CEP128: variants seen among roughly 807,000 people sequenced by gnomAD.
The protein encoded by CEP128 is centrosomal protein 128, also known as centrosomal protein 128kDa.
In CEP128, 132 loss-of-function variants were observed where a neutral mutation model predicts 156.7. That is an observed-to-expected ratio of 0.84 (90% CI 0.73 to 0.97). The LOEUF is 0.97. Ranked by LOEUF, CEP128 falls within the 50% of genes least tolerant of loss-of-function variation. The pLI, the probability that CEP128 is intolerant of heterozygous loss-of-function variation, is 0.00. For missense variants in CEP128, 1,252 were observed against 1,281.9 expected (o/e 0.98, Z 0.36); for synonymous variants, 469 against 448.9 (o/e 1.04, Z -0.57).
chr14:80,523,615 A>G (rs1428738143), intron 23 of CEP128, among the ~76,000 whole-genome samples: 1 of 152,222 alleles, frequency 6.6e-6, no homozygotes, highest in African/African-American at 2.4e-5. Flanking sequence ...CTCCAACTAC[A>G]ACAAAAAAGG....
At chr14:80,799,211 G>A (rs1883678815) in intron 13 of CEP128, among the ~76,000 whole-genome samples, 1 of 152,214 alleles carries the variant, frequency 6.6e-6, no homozygotes, top group Non-Finnish European at 1.5e-5. Context: ...CAAACGGAGG[G>A]ACTGGCTGGA....
At chr14:80,716,477 C>T (rs1719008868) in intron 19 of CEP128, among the ~76,000 whole-genome samples, 1 of 152,196 alleles carries the variant, frequency 6.6e-6, no homozygotes, top group African/African-American at 2.4e-5. Context: ...CTGTTCAGGA[C>T]ATTTCATATA....
intron 9 of CEP128, among the ~76,000 whole-genome samples, chr14:80,844,874 C>G (rs1432594897): frequency 3.2e-5 from 3 of 93,828 alleles, no homozygotes; most frequent in Non-Finnish European, 6.9e-5. Context: ...CTATTTTCTC[C>G]AATGAACAAA....
chr14:80,926,217 G>C (rs117857224), intron 2 of CEP128, among the ~76,000 whole-genome samples: 7,415 of 152,226 alleles, frequency 0.049, 215 homozygotes, highest in Middle Eastern at 0.078. Flanking sequence ...ACCAGGAGGG[G>C]CACGACCTAA....
At chr14:80,832,341 T>C (rs1028729570) in intron 12 of CEP128, among the ~76,000 whole-genome samples, 3 of 152,024 alleles carry the variant, frequency 2.0e-5, no homozygotes, top group African/African-American at 7.3e-5. Flanking sequence ...CTGGAACATA[T>C]ACTGTCTGTC....
chr14:80,504,138 G>C (rs1551071), intron 24 of CEP128, among the ~76,000 whole-genome samples: 2 of 152,076 alleles, frequency 1.3e-5, no homozygotes, highest in Non-Finnish European at 2.9e-5. Context: ...CAATAGTTTA[G>C]ATAAATGTGG....
rs1167350856 is a variant in CEP128 at position 80,857,767 on chromosome 14, AC to A, written c.762+4989del. 3.3e-5 allele frequency among the ~76,000 whole-genome samples: 5 copies of A among 151,638 alleles called. No individual in the cohort carries two copies. The East Asian group carries it at 9.8e-4, about 30-fold the overall frequency. Reference sequence around the variant, plus strand: ...AACAACAACAACAACAACAACAACAACAAAAAACATGAATTGAATTAGTAAA... The same window carrying A: ...AACAACAACAACAACAACAACAACAAAAAAAACATGAATTGAATTAGTAAA... On this transcript the variant is annotated intron_variant, in intron 9 of 24. Transcript: ENST00000555265.
At chr14:80,679,329 C>T (rs1045697674) in intron 19 of CEP128, among the ~76,000 whole-genome samples, 12 of 152,108 alleles carry the variant, frequency 7.9e-5, no homozygotes, top group Admixed American at 3.9e-4. Context: ...TATAAACAGA[C>T]ATGCAAGTAG....
chr14:80,896,342 A>G (rs1030426508), intron 7 of CEP128, among the ~76,000 whole-genome samples: 1 of 152,162 alleles, frequency 6.6e-6, no homozygotes, highest in African/African-American at 2.4e-5. Flanking sequence ...CAATGAAAAG[A>G]AAAAGCCCTT....
rs960052334 is a variant in CEP128, at chr14:80,937,345, G to A, written c.-16+2040C>T. Among the ~76,000 whole-genome samples, 4 of 152,084 alleles carry A rather than the reference G, an allele frequency of 2.6e-5. No homozygotes were observed. In the East Asian group the frequency reaches 5.8e-4, roughly 22 times the overall value. On this transcript the variant is annotated intron_variant, in intron 2 of 24. Transcript: ENST00000555265. Reference sequence around the variant, plus strand: ...CAATCAATCTGTAATATACATAGACGTTGACCCAGAAAATCTATTTCTATG... The same window carrying A: ...CAATCAATCTGTAATATACATAGACATTGACCCAGAAAATCTATTTCTATG...
chr14:80,861,110 G>C (rs1327561686), intron 9 of CEP128, among the ~76,000 whole-genome samples: 2 of 151,870 alleles, frequency 1.3e-5, no homozygotes, highest in Admixed American at 6.6e-5. Flanking sequence ...CTTTCTTACA[G>C]TAGGATTCTA....
intron 9 of CEP128, among the ~76,000 whole-genome samples, chr14:80,851,820 A>G (rs1886904587): frequency 1.3e-5 from 2 of 152,058 alleles, no homozygotes; most frequent in Non-Finnish European, 2.9e-5. Context: ...TTAAAGAGGG[A>G]AAATGATATG....
intron 19 of CEP128, among the ~76,000 whole-genome samples, chr14:80,653,767 T>A (rs370343027): frequency 6.6e-6 from 1 of 152,246 alleles, no homozygotes; most frequent in African/African-American, 2.4e-5. Context: ...ATTTTCCAAA[T>A]CTCATCTAAA....
chr14:80,687,895 T>A (rs1348554027), intron 19 of CEP128, among the ~76,000 whole-genome samples: 1 of 152,286 alleles, frequency 6.6e-6, no homozygotes, highest in East Asian at 1.9e-4. Context: ...ACGTATTAGA[T>A]TTTTTCCAGG....
chr14:80,925,588 G>T (rs890284041), intron 2 of CEP128, among the ~76,000 whole-genome samples: 3 of 150,994 alleles, frequency 2.0e-5, no homozygotes, highest in African/African-American at 7.3e-5. Context: ...AGGGTTTTTT[G>T]TTTTTTTGGT....
chr14:80,541,833 C>T (rs759536476), intron 21 of CEP128, among the ~76,000 whole-genome samples: 2 of 152,140 alleles, frequency 1.3e-5, no homozygotes, highest in Non-Finnish European at 2.9e-5. Flanking sequence ...TTGGTCAATA[C>T]CTCCTGTAAC....
At chr14:80,744,563 ACT>A (rs1442467305) in intron 18 of CEP128, among the ~76,000 whole-genome samples, 2 of 152,034 alleles carry the variant, frequency 1.3e-5, no homozygotes, top group African/African-American at 4.8e-5. Context: ...TATTCAAGAA[ACT>A]CTATTTAACC....
rs118064713 is a variant in CEP128 at position 80,924,927 on chromosome 14, G to A, written c.-15-8365C>T. Among the ~76,000 whole-genome samples the A allele has an allele frequency of 8.3e-3, 1,262 of 152,168 alleles. 13 individuals carry two copies. Among genetic ancestry groups the A allele is most frequent in the Non-Finnish European group, 0.01 (685 of 68,002 alleles). ...GTGAGCACCTAAGACAATGGCAGTG[G>A]AGATGAAGTATAGCAGGGATGAATT... On this transcript the variant is annotated intron_variant, in intron 2 of 24. Transcript: ENST00000555265.
At chr14:80,948,982 C>G (rs567368542) in intron 2 of CEP128, among the ~76,000 whole-genome samples, 1 of 152,060 alleles carries the variant, frequency 6.6e-6, no homozygotes, top group African/African-American at 2.4e-5. Flanking sequence ...TGCCACTAAG[C>G]CAATTTCATG....
Sources: allele counts gnomAD v4.1 joint callset (sites outside exome capture counted in the v4.1 genomes callset), GRCh38; gene constraint gnomAD v4.1.1; transcripts MANE v1.5; gene names NCBI Gene and HGNC (gene_info 2026-07-23, HGNC 2026-07-21).